CSNK1G3: variants seen among roughly 807,000 people sequenced by gnomAD.
CSNK1G3 encodes the protein casein kinase 1 gamma 3, also known as casein kinase I isoform gamma-3.
Under a neutral mutation model 64.3 loss-of-function variants are expected in CSNK1G3, and 23 were observed. The ratio of observed to expected loss-of-function variants is 0.36; its 90% CI spans 0.26 to 0.51. The LOEUF is 0.51. Among genes scored for constraint, CSNK1G3 ranks in the 20% least tolerant of loss-of-function variants. The pLI is 0.96. For synonymous variants in CSNK1G3, 158 were observed against 162.2 expected, an observed-to-expected ratio of 0.97 and a Z score of 0.20; for missense variants, 357 against 510.5, an observed-to-expected ratio of 0.70 and a Z score of 2.90.
rs1409716781 is a variant in CSNK1G3, at chr5:123,512,791, C to G, written c.-248+221C>G. Among the ~76,000 whole-genome samples, 18 of 150,672 alleles carry G rather than the reference C, an allele frequency of 1.2e-4. No homozygotes were observed. The East Asian group carries it at 3.5e-3, about 30-fold the overall frequency. ...GGCAGGAGGGGGCCGCGGTCGGAGG[C>G]TGAGGGCGCGGAGGGCTAGGGGGCA... On this transcript the variant is annotated intron_variant, in intron 1 of 12. Coordinates refer to ENST00000345990, the Ensembl canonical transcript of CSNK1G3.
chr5:123,543,548 G>A (rs1180451282), intron 1 of CSNK1G3, among the ~76,000 whole-genome samples: 2 of 152,066 alleles, frequency 1.3e-5, no homozygotes, highest in Non-Finnish European at 2.9e-5. Context: ...TTGATACTGT[G>A]TACTACAAAT....
intron 10 of CSNK1G3, among the ~76,000 whole-genome samples, chr5:123,596,023 C>G (rs1025813922): frequency 2.0e-5 from 3 of 151,714 alleles, no homozygotes; most frequent in African/African-American, 7.3e-5. Context: ...GCCATTTTAT[C>G]AAATTTGCAT....
At chr5:123,525,293 T>C (rs1387052842) in intron 1 of CSNK1G3, among the ~76,000 whole-genome samples, 1 of 151,536 alleles carries the variant, frequency 6.6e-6, no homozygotes, top group African/African-American at 2.4e-5. Context: ...GCACCAAGCT[T>C]GTCCTACACC....
At chr5:123,575,208 A>G (rs1234385756) in intron 5 of CSNK1G3, among the ~76,000 whole-genome samples, 1 of 152,210 alleles carries the variant, frequency 6.6e-6, no homozygotes. Flanking sequence ...ATCATTTTTA[A>G]ATGTTTAATA....
chr5:123,574,289 T>G (rs1310977863), intron 5 of CSNK1G3, among the ~76,000 whole-genome samples: 1 of 152,178 alleles, frequency 6.6e-6, no homozygotes. Context: ...TAAGGCAGTT[T>G]CGAAATAAAT....
intron 1 of CSNK1G3, among the ~76,000 whole-genome samples, chr5:123,528,154 T>A (rs1480636297): frequency 6.6e-6 from 1 of 152,172 alleles, no homozygotes; most frequent in Non-Finnish European, 1.5e-5. Flanking sequence ...ATGAAGAGAA[T>A]ATGCATTTTG....
At chr5:123,536,572 CAAAT>C (rs1238085048) in intron 1 of CSNK1G3, among the ~76,000 whole-genome samples, 1 of 151,742 alleles carries the variant, frequency 6.6e-6, no homozygotes, top group African/African-American at 2.4e-5. Context: ...GTTCCCAACA[CAAAT>C]AAATCATAAA....
rs375839551 is a variant in CSNK1G3 at position 123,600,718 on chromosome 5, TA to T, written c.1087-4001del. On this transcript the variant is annotated intron_variant, in intron 10 of 12. Coordinates refer to ENST00000345990, the Ensembl canonical transcript of CSNK1G3. Reference sequence around the variant, plus strand: ...ATTTGGAAAGTACATTAATTGATTTTAAAAATCATTGACAATAAAAATACTA... The same window carrying T: ...ATTTGGAAAGTACATTAATTGATTTTAAAATCATTGACAATAAAAATACTA... Among the ~76,000 whole-genome samples the T allele has an allele frequency of 4.3e-4, 66 of 152,256 alleles. No individual in the cohort carries two copies. In the East Asian group the frequency reaches 0.011, roughly 26 times the overall value.
intron 11 of CSNK1G3, 34 bp from the exon 13 acceptor site, chr5:123,605,305 T>G: frequency 6.3e-7 from 1 of 1,576,814 alleles, no homozygotes; most frequent in Non-Finnish European, 8.6e-7. Flanking sequence ...TCTCTTTTTT[T>G]TCCTTGTATT....
chr5:123,564,202 A>T (rs959189311), intron 4 of CSNK1G3, among the ~76,000 whole-genome samples: 2 of 152,038 alleles, frequency 1.3e-5, no homozygotes, highest in Non-Finnish European at 2.9e-5. Context: ...GGGTACATTT[A>T]AAGAATGTTA....
intron 4 of CSNK1G3, among the ~76,000 whole-genome samples, chr5:123,563,600 T>C (rs1786223710): frequency 6.6e-6 from 1 of 152,098 alleles, no homozygotes; most frequent in African/African-American, 2.4e-5. Flanking sequence ...AATTTTATTG[T>C]ACTGTTCACT....
intron 10 of CSNK1G3, among the ~76,000 whole-genome samples, chr5:123,592,662 CAAAA>C (rs1272707365): frequency 6.6e-6 from 1 of 151,322 alleles, no homozygotes; most frequent in Non-Finnish European, 1.5e-5. Flanking sequence ...GGATGACAAT[CAAAA>C]GAAAGAACAC....
intron 4 of CSNK1G3, among the ~76,000 whole-genome samples, chr5:123,571,581 G>A (rs1788117126): frequency 6.6e-6 from 1 of 152,178 alleles, no homozygotes; most frequent in Admixed American, 6.5e-5. Context: ...TAGCCACACA[G>A]CTGATGAATA....
At chr5:123,559,379 A>G (rs1233889466) in intron 4 of CSNK1G3, among the ~76,000 whole-genome samples, 2 of 152,228 alleles carry the variant, frequency 1.3e-5, no homozygotes, top group African/African-American at 4.8e-5. Flanking sequence ...TTGAGTAACA[A>G]AGATGTACTT....
chr5:123,560,907 A>G (rs1163616053), intron 4 of CSNK1G3, among the ~76,000 whole-genome samples: 1 of 152,154 alleles, frequency 6.6e-6, no homozygotes, highest in Non-Finnish European at 1.5e-5. Context: ...GGGGATGGTT[A>G]TACAGTAATG....
intron 1 of CSNK1G3, among the ~76,000 whole-genome samples, chr5:123,518,750 G>T (rs965154241): frequency 6.6e-6 from 1 of 152,138 alleles, no homozygotes; most frequent in Non-Finnish European, 1.5e-5. Flanking sequence ...ATTTTTCTGA[G>T]TTAGATGGAA....
chr5:123,552,576 C>T (rs967582870), intron 2 of CSNK1G3, among the ~76,000 whole-genome samples: 2 of 152,236 alleles, frequency 1.3e-5, no homozygotes, highest in African/African-American at 4.8e-5. Flanking sequence ...AACTATTTTT[C>T]TCCTCAAAGT....
chr5:123,595,178 A>G, intron 10 of CSNK1G3, 44 bp downstream of exon 11: 1 of 1,556,758 alleles, frequency 6.4e-7, no homozygotes, highest in Non-Finnish European at 8.8e-7. Context: ...CCAGATTTAT[A>G]CAACTAACCC....
At chr5:123,574,462 A>C (rs1205494921) in intron 5 of CSNK1G3, among the ~76,000 whole-genome samples, 1 of 152,206 alleles carries the variant, frequency 6.6e-6, no homozygotes, top group Non-Finnish European at 1.5e-5. Flanking sequence ...CAGAAATAAC[A>C]GGGTTAGTTG....
Sources: allele counts gnomAD v4.1 joint callset (sites outside exome capture counted in the v4.1 genomes callset), GRCh38; gene constraint gnomAD v4.1.1; transcripts MANE v1.5; gene names NCBI Gene and HGNC (gene_info 2026-07-23, HGNC 2026-07-21).